The following FBXO42 variants were observed in gnomAD, a reference collection of about 807,000 sequenced individuals.
The protein encoded by FBXO42 is F-box only protein 42.
In FBXO42, 12 loss-of-function variants were observed where a neutral mutation model predicts 71.7. That is an observed-to-expected ratio of 0.17 (90% CI 0.11 to 0.27). The LOEUF is 0.27. Among genes scored for constraint, FBXO42 ranks in the 10% least tolerant of loss-of-function variants. FBXO42 has a pLI of 1.00. For synonymous variants in FBXO42, 325 were observed against 327.5 expected, an observed-to-expected ratio of 0.99 and a Z score of 0.08; for missense variants, 707 against 911.9, an observed-to-expected ratio of 0.78 and a Z score of 2.89.
At chr1:16,262,228 GC>G (rs2081722940) in intron 4 of FBXO42, among the ~76,000 whole-genome samples, 1 of 152,106 alleles carries the variant, frequency 6.6e-6, no homozygotes, top group South Asian at 2.1e-4. Context: ...TTGCTATGCT[GC>G]CCAGTCTGGT....
rs1467090345 is a variant in FBXO42, at chr1:16,250,225, A to C, written c.*445T>G. 1 of 152,442 alleles carries C rather than the reference A, an allele frequency of 6.6e-6. No homozygotes were observed. Among genetic ancestry groups the C allele is most frequent in the African/African-American group, 2.4e-5 (1 of 41,454 alleles). 9.4% of individuals were successfully genotyped at this position (152,442 alleles called of 1,614,324 possible). ...ACAGCACCTGAAGCATGAGAGTCTA[A>C]AACCCTCCACCTTTGCAACTTACAT... On this transcript the variant is annotated 3_prime_UTR_variant, in exon 10 of 10. Transcript: ENST00000375592. The surrounding 1 kb of genome is among the most constrained non-coding windows in gnomAD (Gnocchi z 4.7).
chr1:16,274,164 G>C (rs2081873789), intron 4 of FBXO42, among the ~76,000 whole-genome samples: 2 of 151,832 alleles, frequency 1.3e-5, no homozygotes, highest in Admixed American at 6.6e-5. Context: ...AAATTAGTCA[G>C]GCATGGTGGT....
chr1:16,321,438 T>C (rs938350347), intron 1 of FBXO42, among the ~76,000 whole-genome samples: 2 of 152,222 alleles, frequency 1.3e-5, no homozygotes, highest in African/African-American at 4.8e-5. Context: ...CTACAAACTT[T>C]TCACACGTAA....
intron 4 of FBXO42, among the ~76,000 whole-genome samples, chr1:16,277,434 C>A (rs540530383): frequency 1.2e-4 from 18 of 151,744 alleles, no homozygotes; most frequent in African/African-American, 4.3e-4. Context: ...TTTAAAAATT[C>A]CATATCCAGG....
At chr1:16,327,860 C>T (rs1264806456) in intron 1 of FBXO42, among the ~76,000 whole-genome samples, 2 of 152,152 alleles carry the variant, frequency 1.3e-5, no homozygotes, top group African/African-American at 4.8e-5. Flanking sequence ...CACCACCACA[C>T]CCAGCTAATT....
intron 3 of FBXO42, among the ~76,000 whole-genome samples, chr1:16,304,905 G>C (rs2082233702): frequency 6.6e-6 from 1 of 152,090 alleles, no homozygotes. Context: ...AGAGGTGGAG[G>C]TTGCGGTGAG....
intron 4 of FBXO42, among the ~76,000 whole-genome samples, chr1:16,283,264 C>T (rs965885292): frequency 1.2e-4 from 19 of 152,204 alleles, no homozygotes; most frequent in Admixed American, 6.6e-4. Context: ...TCTCTATCTT[C>T]GAGTGCATTT....
intron 4 of FBXO42, among the ~76,000 whole-genome samples, chr1:16,276,109 C>T (rs377759556): frequency 3.4e-4 from 52 of 151,020 alleles, no homozygotes; most frequent in African/African-American, 9.7e-4. Context: ...TGGCAGGGTG[C>T]GGTGGCTCAC....
At chr1:16,330,498 T>TC (rs2100607347) in intron 1 of FBXO42, among the ~76,000 whole-genome samples, 2 of 151,434 alleles carry the variant, frequency 1.3e-5, no homozygotes, top group Non-Finnish European at 2.9e-5. Flanking sequence ...CAGAGTGAGA[T>TC]CCTGTCCCCC....
At chr1:16,254,267 T>C (rs182232651) in intron 6 of FBXO42, among the ~76,000 whole-genome samples, 18 of 152,284 alleles carry the variant, frequency 1.2e-4, no homozygotes, top group East Asian at 3.9e-4. Flanking sequence ...AAATAGTTAA[T>C]TGGTGACAGC....
rs80190987 is a variant in FBXO42, at chr1:16,338,692, C to T, written c.-18+13563G>A. On this transcript the variant is annotated intron_variant, in intron 1 of 9. Transcript: ENST00000375592. The stretch of plus-strand genomic sequence containing the variant: ...CCCACAATGCTCCTATCAAATCTCT[C>T]GGGTGGCATATAAACCTAGCTTCCC... Among the ~76,000 whole-genome samples, 693 of 151,838 alleles carry T rather than the reference C, an allele frequency of 4.6e-3. 7 individuals are homozygous for T. Among genetic ancestry groups the T allele is most frequent in the African/African-American group, 0.016 (666 of 41,404 alleles).
At chr1:16,337,625 G>C (rs552335123) in intron 1 of FBXO42, among the ~76,000 whole-genome samples, 36 of 151,328 alleles carry the variant, frequency 2.4e-4, no homozygotes, top group Admixed American at 4.0e-4. Context: ...GCTCACGCCT[G>C]TAATCCTAGC....
chr1:16,346,037 A>T (rs530651610), intron 1 of FBXO42, among the ~76,000 whole-genome samples: 2 of 152,302 alleles, frequency 1.3e-5, no homozygotes, highest in South Asian at 4.1e-4. Context: ...GCCAAATTTC[A>T]GGGTCAGAAC....
chr1:16,346,409 C>G (rs931876500), intron 1 of FBXO42, among the ~76,000 whole-genome samples: 3 of 151,984 alleles, frequency 2.0e-5, no homozygotes, highest in Non-Finnish European at 4.4e-5. Context: ...AATAAGAGAG[C>G]GAGGCGTAGT....
At chr1:16,275,117 TA>T (rs1385970732) in intron 4 of FBXO42, among the ~76,000 whole-genome samples, 1 of 152,120 alleles carries the variant, frequency 6.6e-6, no homozygotes, top group African/African-American at 2.4e-5. Flanking sequence ...GTAACTCACA[TA>T]TGTAAATTCA....
intron 4 of FBXO42, among the ~76,000 whole-genome samples, chr1:16,290,442 A>G (rs967811600): frequency 1.3e-5 from 2 of 152,088 alleles, no homozygotes; most frequent in Non-Finnish European, 2.9e-5. Flanking sequence ...CTGTAATCTC[A>G]GCACTCTGGG....
At chr1:16,262,478 G>A (rs923878718) in intron 4 of FBXO42, among the ~76,000 whole-genome samples, 2 of 152,086 alleles carry the variant, frequency 1.3e-5, no homozygotes, top group Admixed American at 6.6e-5. Context: ...AGGTCAAGGC[G>A]GGTGGATCAC....
chr1:16,275,727 G>A (rs550852631), intron 4 of FBXO42, among the ~76,000 whole-genome samples: 10 of 152,334 alleles, frequency 6.6e-5, no homozygotes, highest in Admixed American at 2.0e-4. Context: ...GGACAAAGGA[G>A]GCCAGGAGTG....
At chr1:16,315,925 C>T (rs1458239261) in intron 1 of FBXO42, among the ~76,000 whole-genome samples, 2 of 152,070 alleles carry the variant, frequency 1.3e-5, no homozygotes, top group African/African-American at 4.8e-5. Context: ...AATCCCAGCA[C>T]TTTGGGAGAC....
Sources: gnomAD v4.1 joint callset for allele counts (sites outside exome capture counted in the v4.1 genomes callset) on GRCh38, gnomAD v4.1.1 for gene constraint, Gnocchi (gnomAD v3.1) non-coding constraint, MANE v1.5 for transcripts, NCBI Gene and HGNC (gene_info 2026-07-23, HGNC 2026-07-21) for gene names.